Variants in DMD observed in about 807,000 individuals in gnomAD.
DMD encodes the protein mutant dystrophin.
A neutral mutation model predicts 330.1 loss-of-function variants in DMD; 63 were observed. That is an observed-to-expected ratio of 0.19 (90% CI 0.16 to 0.24). The LOEUF (loss-of-function observed/expected upper bound fraction) is 0.24. DMD is among the 10% of genes least tolerant of loss of function. DMD has a pLI of 1.00. For missense variants in DMD, 3,344 were observed against 2,684.1 expected (o/e 1.25, Z -5.43); for synonymous variants, 1,223 against 959.8 (o/e 1.27, Z -5.07).
intron 13 of DMD, among the ~76,000 whole-genome samples, chrX:32,588,341 A>G (rs755406605): frequency 8.9e-6 from 1 of 112,188 alleles, no homozygotes; most frequent in African/African-American, 3.2e-5. Context: ...TCATGGAGGA[A>G]AACTTGAAAT....
intron 76 of DMD, among the ~76,000 whole-genome samples, chrX:31,137,298 C>T (rs1297157805): frequency 8.9e-6 from 1 of 112,388 alleles, no homozygotes; most frequent in African/African-American, 3.2e-5. Flanking sequence ...GGATTACAGG[C>T]GTGAGCCACC....
intron 44 of DMD, among the ~76,000 whole-genome samples, chrX:32,031,760 AT>A (rs1298473934): frequency 8.9e-6 from 1 of 111,822 alleles, no homozygotes; most frequent in Non-Finnish European, 1.9e-5. Context: ...TGCCATTAAT[AT>A]TTCATACACA....
intron 47 of DMD, among the ~76,000 whole-genome samples, chrX:31,904,251 A>C (rs1359981544): frequency 8.9e-6 from 1 of 111,840 alleles, no homozygotes; most frequent in Admixed American, 9.5e-5. Context: ...TTCTCTAATT[A>C]TACAAAAAAA....
Position 31,702,854 on chromosome X carries a change from C to CTT in DMD, c.7661-23270_7661-23269dup, listed in dbSNP as rs534843685. Among the ~76,000 whole-genome samples, 211 of 89,069 alleles carry CTT rather than the reference C, an allele frequency of 2.4e-3. 1 individual carries two copies. The highest frequency in any genetic ancestry group is 4.6e-3 in the African/African-American group (113 of 24,525). The allele number at this position is 89,069 out of a possible 115,157, so 77.3% of individuals were successfully genotyped here. A position where few individuals can be genotyped will look rare whatever the true frequency, so the allele number is the denominator to read the frequency against. ...TCTTTAAAACTCTAGTCAGAGAAGT[C>CTT]TTTTTTTTTTTTTTTTTTAATAGGG... On this transcript the variant is annotated intron_variant, in intron 52 of 78. Coordinates refer to ENST00000357033, the MANE Select transcript of DMD (RefSeq NM_004006.3).
At chrX:32,778,838 C>T (rs1040929003) in intron 7 of DMD, among the ~76,000 whole-genome samples, 2 of 109,842 alleles carry the variant, frequency 1.8e-5, no homozygotes, top group African/African-American at 6.9e-5. Context: ...ATTTTAAGAT[C>T]AGCTAATTAA....
chrX:32,776,070 A>G (rs1196076134), intron 7 of DMD, among the ~76,000 whole-genome samples: 3 of 111,749 alleles, frequency 2.7e-5, no homozygotes, highest in Non-Finnish European at 5.6e-5. Flanking sequence ...AGTTCCACAG[A>G]TGTCTAGGGA....
intron 13 of DMD, among the ~76,000 whole-genome samples, chrX:32,580,487 A>G (rs1601858178): frequency 1.8e-5 from 2 of 112,056 alleles, no homozygotes; most frequent in Non-Finnish European, 3.8e-5. Context: ...CCAGTGAAAT[A>G]GAGATAATAG....
chrX:32,169,524 G>A (rs1203532224), intron 44 of DMD, among the ~76,000 whole-genome samples: 1 of 112,026 alleles, frequency 8.9e-6, no homozygotes, highest in African/African-American at 3.2e-5. Context: ...ACTCTGAGAA[G>A]TGTAAATTCA....
At chrX:31,150,077 A>C (rs1384947506) in intron 74 of DMD, among the ~76,000 whole-genome samples, 1 of 111,873 alleles carries the variant, frequency 8.9e-6, no homozygotes, top group African/African-American at 3.2e-5. Flanking sequence ...TTTGTTGTTA[A>C]AATTGTCCAT....
At chrX:32,247,409 T>C (rs1348710913) in intron 43 of DMD, among the ~76,000 whole-genome samples, 5 of 112,097 alleles carry the variant, frequency 4.5e-5, no homozygotes, top group Non-Finnish European at 9.4e-5. Context: ...GTATTTCTTT[T>C]AAATATTGAG....
At chrX:33,063,885 C>T (rs975840875) in intron 1 of DMD, among the ~76,000 whole-genome samples, 3 of 111,753 alleles carry the variant, frequency 2.7e-5, no homozygotes, top group African/African-American at 6.5e-5. Flanking sequence ...TCATACTTTC[C>T]ACTTCACGCA....
At chrX:32,463,406 G>C in intron 25 of DMD, 33 bp downstream of exon 25, 1 of 1,158,391 alleles carries the variant, frequency 8.6e-7, no homozygotes, top group Non-Finnish European at 1.2e-6. Flanking sequence ...TAAGTACGTT[G>C]AGGCAAGCCA....
intron 50 of DMD, among the ~76,000 whole-genome samples, chrX:31,815,949 G>C (rs1375743631): frequency 1.8e-5 from 2 of 111,876 alleles, no homozygotes; most frequent in Non-Finnish European, 3.8e-5. Context: ...AAGAATCAAG[G>C]TTCTGCAACC....
At chrX:33,217,579 C>T (rs912475463) in intron 1 of DMD, among the ~76,000 whole-genome samples, 1 of 111,316 alleles carries the variant, frequency 9.0e-6, no homozygotes, top group African/African-American at 3.3e-5. Context: ...TAGTTAATTG[C>T]TTGTATACAA....
chrX:32,553,797 G>A (rs1001987893), intron 16 of DMD, among the ~76,000 whole-genome samples: 3 of 111,843 alleles, frequency 2.7e-5, no homozygotes, highest in Non-Finnish European at 1.9e-5. Context: ...TTGGAGGAAG[G>A]GCCTGGTGGG....
rs1491535545 is a variant in DMD, at chrX:32,123,243, A to AT, written c.6438+93672_6438+93673insA. ...TATATATATATATATATATATATATAAATGATCAAAATTGATGCTAATGAA... is the reference window on the plus strand; with the variant it reads ...TATATATATATATATATATATATATATAATGATCAAAATTGATGCTAATGAA... On this transcript the variant is annotated intron_variant, in intron 44 of 78. Coordinates refer to ENST00000357033, the MANE Select transcript of DMD (RefSeq NM_004006.3). Among the ~76,000 whole-genome samples, 270 of 82,849 alleles carry AT rather than the reference A, an allele frequency of 3.3e-3. 7 individuals carry two copies. Among genetic ancestry groups the AT allele is most frequent in the African/African-American group, 0.011 (242 of 21,773 alleles). The allele number at this position is 82,849 out of a possible 115,157, so 71.9% of individuals were successfully genotyped here.
rs193286957 is a variant in DMD at position 31,951,428 on chromosome X, T to C, written c.6614+16911A>G. On this transcript the variant is annotated intron_variant, in intron 45 of 78. Transcript: ENST00000357033. ...TTTAGTTGCAATTACATGTGCCATA[T>C]TGTATTTTTTCACATCTTATTCATG... Among the ~76,000 whole-genome samples the C allele has an allele frequency of 2.8e-5, 3 of 108,144 alleles. No individual in the cohort carries two copies. In the Admixed American group the frequency reaches 3.0e-4, roughly 11 times the overall value. The allele number at this position is 108,144 out of a possible 115,157, so 93.9% of individuals were successfully genotyped here.
chrX:32,879,365 T>C (rs1428430734), intron 2 of DMD, among the ~76,000 whole-genome samples: 1 of 111,957 alleles, frequency 8.9e-6, no homozygotes, highest in African/African-American at 3.2e-5. Flanking sequence ...TCACAGCTTG[T>C]GTTGCTTATT....
At chrX:32,085,664 G>GTATA (rs1491255498) in intron 44 of DMD, among the ~76,000 whole-genome samples, 1 of 58,293 alleles carries the variant, frequency 1.7e-5, no homozygotes, top group African/African-American at 6.6e-5. Context: ...GTATATATAC[G>GTATA]TATATATACA....
Sources: gnomAD v4.1 joint callset for allele counts (sites outside exome capture counted in the v4.1 genomes callset) on GRCh38, gnomAD v4.1.1 for gene constraint, MANE v1.5 for transcripts, NCBI Gene and HGNC (gene_info 2026-07-23, HGNC 2026-07-21) for gene names.